The following DGKK variants were observed in gnomAD, a reference collection of about 807,000 sequenced individuals.
DGKK encodes the protein 142 kDa diacylglycerol kinase.
In DGKK, 35 loss-of-function variants were observed where a neutral mutation model predicts 92.2. The observed-to-expected ratio is 0.38, with a 90% confidence interval of 0.29 to 0.50. The LOEUF (loss-of-function observed/expected upper bound fraction) is 0.50. Among genes scored for constraint, DGKK ranks in the 20% least tolerant of loss-of-function variants. DGKK has a pLI of 0.92. For synonymous variants in DGKK, 368 were observed against 360.6 expected (o/e 1.02, Z -0.23); for missense variants, 910 against 992.2 (o/e 0.92, Z 1.11).
chrX:50,402,708 T>G (rs1297226567), intron 7 of DGKK, among the ~76,000 whole-genome samples: 2 of 111,764 alleles, frequency 1.8e-5, no homozygotes, highest in African/African-American at 6.5e-5. Flanking sequence ...TAATAAAGGT[T>G]ACAAGTTCCT....
chrX:50,441,181 A>G (rs141953688), intron 1 of DGKK, among the ~76,000 whole-genome samples: 1,129 of 111,650 alleles, frequency 0.01, 7 homozygotes, highest in Middle Eastern at 0.041. Context: ...TGAAAACCTC[A>G]TAAACTTTAA....
chrX:50,441,879 A>T (rs1557231332), intron 1 of DGKK, among the ~76,000 whole-genome samples: 1 of 111,786 alleles, frequency 8.9e-6, no homozygotes, highest in East Asian at 2.8e-4. Context: ...ATTGATATAA[A>T]TAAATAAAAA....
At chrX:50,466,463 A>G (rs1926914035) in intron 1 of DGKK, among the ~76,000 whole-genome samples, 1 of 111,851 alleles carries the variant, frequency 8.9e-6, no homozygotes, top group South Asian at 3.7e-4. Flanking sequence ...CAAGCCATTA[A>G]TAAAAATTGT....
chrX:50,421,728 A>G (rs782316785), intron 3 of DGKK, among the ~76,000 whole-genome samples: 29 of 111,737 alleles, frequency 2.6e-4, no homozygotes, highest in Non-Finnish European at 4.9e-4. Flanking sequence ...GGAGGATGGA[A>G]CATGAACCAA....
chrX:50,436,772 G>T (rs1166196809), intron 1 of DGKK, among the ~76,000 whole-genome samples: 1 of 108,417 alleles, frequency 9.2e-6, no homozygotes, highest in East Asian at 2.9e-4. Context: ...AAAGTGACTT[G>T]CCCAAGGTCA....
intron 23 of DGKK, among the ~76,000 whole-genome samples, 164 bp downstream of exon 23, chrX:50,376,594 G>A (rs967171324): frequency 7.1e-5 from 8 of 112,045 alleles, no homozygotes; most frequent in African/African-American, 2.6e-4. Context: ...TGAGCACAGA[G>A]AATATTTCCT....
At position 50,368,544 on chromosome X, in the gene DGKK, G is replaced by A. The variant is rs781814541; in HGVS notation, c.*396C>T. The A allele has an allele frequency of 7.6e-5, 9 of 117,735 alleles. No homozygotes were observed. The highest frequency in any genetic ancestry group is 1.6e-4 in the Non-Finnish European group (9 of 57,087). The allele number at this position is 117,735 out of a possible 1,213,427, so 9.7% of individuals were successfully genotyped here. ...TCTTCATCTCCCTGGGAGTCTGTGT[G>A]TCTTTCATTCATTCCTTAGCATTGA... On this transcript the variant is annotated 3_prime_UTR_variant, in exon 28 of 28. Coordinates refer to ENST00000611977, the MANE Select transcript of DGKK (RefSeq NM_001013742.4).
chrX:50,468,340 G>T (rs1926963034), intron 1 of DGKK, among the ~76,000 whole-genome samples: 1 of 111,187 alleles, frequency 9.0e-6, no homozygotes, highest in African/African-American at 3.3e-5. Flanking sequence ...ATGGCCACAG[G>T]TCAGGTGATT....
At chrX:50,426,413 G>A (rs1292707740) in intron 1 of DGKK, among the ~76,000 whole-genome samples, 2 of 112,116 alleles carry the variant, frequency 1.8e-5, no homozygotes, top group Non-Finnish European at 3.8e-5. Context: ...TAGCCCAAGA[G>A]GACTCAGATT....
chrX:50,468,855 G>A (rs1050482469), intron 1 of DGKK, among the ~76,000 whole-genome samples: 8 of 90,679 alleles, frequency 8.8e-5, no homozygotes, highest in Admixed American at 4.0e-4. Context: ...TGTGTTATTC[G>A]TTTGTGTGTG....
chrX:50,444,198 T>G (rs782099851), intron 1 of DGKK, among the ~76,000 whole-genome samples: 1 of 111,861 alleles, frequency 8.9e-6, no homozygotes, highest in Non-Finnish European at 1.9e-5. Flanking sequence ...TGCTGGGTCA[T>G]ATGGTACATC....
intron 1 of DGKK, among the ~76,000 whole-genome samples, chrX:50,457,475 C>T (rs1926636647): frequency 1.8e-5 from 2 of 111,958 alleles, no homozygotes; most frequent in South Asian, 7.5e-4. Context: ...CTGATTCACC[C>T]TTGCTTTGAA....
chrX:50,449,695 G>T (rs958054367), intron 1 of DGKK, among the ~76,000 whole-genome samples: 3 of 110,877 alleles, frequency 2.7e-5, no homozygotes, highest in Non-Finnish European at 5.7e-5. Flanking sequence ...CCACGACCTT[G>T]CTCAGACACG....
chrX:50,394,119 C>T (rs1924775225), intron 8 of DGKK, among the ~76,000 whole-genome samples: 1 of 111,839 alleles, frequency 8.9e-6, no homozygotes, highest in African/African-American at 3.3e-5. Flanking sequence ...TGTGCAATGG[C>T]CTCCTAAGAG....
intron 1 of DGKK, among the ~76,000 whole-genome samples, chrX:50,460,746 C>T (rs1456330450): frequency 9.0e-6 from 1 of 111,680 alleles, no homozygotes; most frequent in African/African-American, 3.3e-5. Context: ...TTTGATCACA[C>T]TTGGTTAATG....
At chrX:50,464,873 T>A (rs1201168937) in intron 1 of DGKK, among the ~76,000 whole-genome samples, 1 of 111,254 alleles carries the variant, frequency 9.0e-6, no homozygotes, top group Non-Finnish European at 1.9e-5. Context: ...CATTCTCTGA[T>A]TTTAGAACAT....
chrX:50,408,612 T>C (rs1323131374), intron 4 of DGKK, among the ~76,000 whole-genome samples: 1 of 110,712 alleles, frequency 9.0e-6, no homozygotes, highest in Non-Finnish European at 1.9e-5. Flanking sequence ...CTCGATCTCC[T>C]GACCTCGTGA....
intron 23 of DGKK, 133 bp downstream of exon 23, chrX:50,376,625 G>A (rs1030027515): frequency 3.1e-5 from 18 of 576,564 alleles, no homozygotes; most frequent in South Asian, 5.4e-5. Flanking sequence ...TGAGGGTCCC[G>A]CTCAATTTTT....
chrX:50,388,343 C>T (rs1425339346), intron 13 of DGKK, among the ~76,000 whole-genome samples, 184 bp downstream of exon 13: 4 of 112,027 alleles, frequency 3.6e-5, no homozygotes, highest in Non-Finnish European at 7.5e-5. Flanking sequence ...GAGCAGCAGA[C>T]GACTTCACCT....
Sources: gnomAD v4.1 joint callset for allele counts (sites outside exome capture counted in the v4.1 genomes callset) on GRCh38, gnomAD v4.1.1 for gene constraint, MANE v1.5 for transcripts, NCBI Gene and HGNC (gene_info 2026-07-23, HGNC 2026-07-21) for gene names.